The following NKAIN1 variants were observed in gnomAD, a reference collection of about 807,000 sequenced individuals.
NKAIN1 encodes sodium/potassium transporting ATPase interacting 1, also known as sodium/potassium-transporting ATPase subunit beta-1-interacting protein 1.
A neutral mutation model predicts 31.6 loss-of-function variants in NKAIN1; 13 were observed. That is an observed-to-expected ratio of 0.41 (90% CI 0.27 to 0.65). The LOEUF (loss-of-function observed/expected upper bound fraction) is 0.65. Among genes scored for constraint, NKAIN1 ranks in the 30% least tolerant of loss-of-function variants. The pLI is 0.30. For missense variants in NKAIN1, 193 were observed against 262.2 expected (o/e 0.74, Z 1.82); for synonymous variants, 104 against 109.0 (o/e 0.95, Z 0.28).
At chr1:31,218,071 T>TCTTTCTTTCTCTTTC (rs201070152) in intron 1 of NKAIN1, among the ~76,000 whole-genome samples, 2 of 133,610 alleles carry the variant, frequency 1.5e-5, no homozygotes, top group African/African-American at 5.7e-5. Flanking sequence ...TTTCTTTCTT[T>TCTTTCTTTCTCTTTC]TTTTTTTTTG....
At chr1:31,182,275 G>C (rs1023690599) in intron 5 of NKAIN1, among the ~76,000 whole-genome samples, 1 of 152,084 alleles carries the variant, frequency 6.6e-6, no homozygotes, top group African/African-American at 2.4e-5. Context: ...CTCTAAACGG[G>C]ACAAGACCTC....
At chr1:31,213,042 G>C (rs78267241) in intron 1 of NKAIN1, among the ~76,000 whole-genome samples, 3 of 135,634 alleles carry the variant, frequency 2.2e-5, no homozygotes, top group Non-Finnish European at 4.8e-5. Flanking sequence ...TTTTTCTTTT[G>C]TTTTTTTTTT....
Position 31,239,393 on chromosome 1 carries a change from A to T in NKAIN1, c.54+101T>A. Reference sequence around the variant, plus strand: ...CACCCCCCGCCCGGGCACACGCACCAGACACACACACAGAGACACACGCAA... The same window carrying T: ...CACCCCCCGCCCGGGCACACGCACCTGACACACACACAGAGACACACGCAA... On this transcript the variant is annotated intron_variant, in intron 1 of 6. Coordinates refer to ENST00000373736, the MANE Select transcript of NKAIN1 (RefSeq NM_024522.3). This position sits in a 1 kb window ranked among gnomAD's most constrained non-coding sequence, Gnocchi z 4.8. 1.2e-6 allele frequency: 1 copy of T among 864,846 alleles called. No individual in the cohort carries two copies. Among genetic ancestry groups the T allele is most frequent in the Non-Finnish European group, 1.6e-6 (1 of 628,664 alleles). 53.6% of individuals were successfully genotyped at this position (864,846 alleles called of 1,614,324 possible).
At chr1:31,216,114 C>A (rs7543900) in intron 1 of NKAIN1, among the ~76,000 whole-genome samples, 1 of 149,620 alleles carries the variant, frequency 6.7e-6, no homozygotes, top group Non-Finnish European at 1.5e-5. Flanking sequence ...CTCTATCTCG[C>A]AGGCAGGCTG....
chr1:31,214,941 G>T (rs1043841337), intron 1 of NKAIN1, among the ~76,000 whole-genome samples: 1 of 152,200 alleles, frequency 6.6e-6, no homozygotes, highest in African/African-American at 2.4e-5. Context: ...CCCTCCGGGC[G>T]CCCCCTAGGG....
intron 1 of NKAIN1, among the ~76,000 whole-genome samples, chr1:31,225,033 C>CTTTTCTTTTTTTTTTTTTT (rs542671307): frequency 0.059 from 6,471 of 109,924 alleles, 481 homozygotes; most frequent in Non-Finnish European, 0.084. Context: ...CTTTTCTTTT[C>CTTTTCTTTTTTTTTTTTTT]TTTTTTTTTT....
chr1:31,200,045 A>ACACGCATG (rs1553162448), intron 1 of NKAIN1, among the ~76,000 whole-genome samples: 26 of 151,452 alleles, frequency 1.7e-4, no homozygotes, highest in South Asian at 1.2e-3. Flanking sequence ...ACACATGCAC[A>ACACGCATG]CGTGCACACA....
chr1:31,218,051 T>A (rs1009670002), intron 1 of NKAIN1, among the ~76,000 whole-genome samples: 1 of 141,842 alleles, frequency 7.1e-6, no homozygotes, highest in South Asian at 2.3e-4. Context: ...TTTCTTTCTT[T>A]CTTTCTTTCT....
chr1:31,218,452 C>T (rs1645535299), intron 1 of NKAIN1, among the ~76,000 whole-genome samples: 1 of 152,102 alleles, frequency 6.6e-6, no homozygotes, highest in Admixed American at 6.6e-5. Flanking sequence ...TGCTGGATGG[C>T]TCTAAGAGGC....
chr1:31,185,226 A>G, intron 3 of NKAIN1, 21 bp downstream of exon 3: 2 of 1,594,980 alleles, frequency 1.3e-6, no homozygotes, highest in South Asian at 2.3e-5. Flanking sequence ...GCCCTATGGC[A>G]CTGCCAGGTC....
chr1:31,228,084 T>C (rs887218170), intron 1 of NKAIN1, among the ~76,000 whole-genome samples: 2 of 152,112 alleles, frequency 1.3e-5, no homozygotes, highest in African/African-American at 2.4e-5. Flanking sequence ...CCTGGCATCA[T>C]TAGGGAGCGC....
intron 1 of NKAIN1, among the ~76,000 whole-genome samples, chr1:31,232,655 T>C (rs561514749): frequency 6.6e-6 from 1 of 151,216 alleles, no homozygotes; most frequent in East Asian, 2.0e-4. Context: ...CTCTCCTTAA[T>C]ACTAGAGAAG....
At chr1:31,206,574 C>T (rs560106271) in intron 1 of NKAIN1, among the ~76,000 whole-genome samples, 1 of 149,292 alleles carries the variant, frequency 6.7e-6, no homozygotes, top group South Asian at 2.1e-4. Flanking sequence ...GAGCTAGGAC[C>T]ACAGGTGCAC....
At chr1:31,227,351 A>G (rs1231770303) in intron 1 of NKAIN1, among the ~76,000 whole-genome samples, 1 of 152,098 alleles carries the variant, frequency 6.6e-6, no homozygotes, top group African/African-American at 2.4e-5. Flanking sequence ...GGCACATGTG[A>G]AGCTATGTGG....
intron 1 of NKAIN1, among the ~76,000 whole-genome samples, chr1:31,214,919 T>C (rs1645499158): frequency 6.6e-6 from 1 of 152,170 alleles, no homozygotes; most frequent in Non-Finnish European, 1.5e-5. Flanking sequence ...CAGCCTGGGA[T>C]GGGACACTAA....
rs533278447 is a variant in NKAIN1, at chr1:31,188,176, C to T, written c.66G>A (p.Leu22=). 1.5e-5 allele frequency: 23 copies of T among 1,551,408 alleles called. No homozygotes were observed. The highest frequency in any genetic ancestry group is 3.9e-5 in the Admixed American group (2 of 50,966). Residue 22 remains leucine, a synonymous_variant, in exon 2 of 7, where the codon CTG becomes CTA. Transcript: ENST00000373736. ...AFCCLQLVAA[L]ERQIFDFLGY... is the part of the protein sequence containing the mutation. ...CCAGGAAGTCAAAGATCTGCCGCTCCAGCGCAGCCACCTGTGGAAGAGACA... is the reference window on the plus strand; with the variant it reads ...CCAGGAAGTCAAAGATCTGCCGCTCTAGCGCAGCCACCTGTGGAAGAGACA...
Position 31,181,646 on chromosome 1 carries a change from C to A in NKAIN1, c.*57G>T, listed in dbSNP as rs1353346586. 7.0e-7 allele frequency: 1 copy of A among 1,424,332 alleles called. No individual in the cohort carries two copies. Among genetic ancestry groups the A allele is most frequent in the Admixed American group, 2.9e-5 (1 of 34,358 alleles). The allele number at this position is 1,424,332 out of a possible 1,614,324, so 88.2% of individuals were successfully genotyped here. On this transcript the variant is annotated 3_prime_UTR_variant, in exon 7 of 7. Coordinates refer to ENST00000373736, the MANE Select transcript of NKAIN1 (RefSeq NM_024522.3). ...GGACACGCCTGCGCCTTGGCCCGAGCTCGCGGCAGCTGCGGTCAGCCCAGG... is the reference window on the plus strand; with the variant it reads ...GGACACGCCTGCGCCTTGGCCCGAGATCGCGGCAGCTGCGGTCAGCCCAGG...
At chr1:31,182,644 C>T in intron 4 of NKAIN1, 54 bp from the exon 5 acceptor site, 1 of 1,599,998 alleles carries the variant, frequency 6.3e-7, no homozygotes, top group Non-Finnish European at 8.6e-7. Context: ...ACCTCTTCCT[C>T]CGCCCCCTGC....
rs1464681521 is a variant in NKAIN1 at position 31,180,228 on chromosome 1, T to G, written c.*1475A>C. ...GTGCAAACCATCTGCACCATCTGGGTGCCCCCCAGTTCCTCCATGTCTCCT... is the reference window on the plus strand; with the variant it reads ...GTGCAAACCATCTGCACCATCTGGGGGCCCCCCAGTTCCTCCATGTCTCCT... On this transcript the variant is annotated 3_prime_UTR_variant, in exon 7 of 7. Transcript: ENST00000373736. 1 of 152,418 alleles carries G rather than the reference T, an allele frequency of 6.6e-6. No homozygotes were observed. Among genetic ancestry groups the G allele is most frequent in the East Asian group, 1.9e-4 (1 of 5,206 alleles). The allele number at this position is 152,418 out of a possible 1,614,324, so 9.4% of individuals were successfully genotyped here.
Sources: allele counts gnomAD v4.1 joint callset (sites outside exome capture counted in the v4.1 genomes callset), GRCh38; gene constraint gnomAD v4.1.1; non-coding constraint Gnocchi (gnomAD v3.1); transcripts MANE v1.5; gene names NCBI Gene and HGNC (gene_info 2026-07-23, HGNC 2026-07-21).